Variants in NECTIN4 observed in about 807,000 individuals in gnomAD.
NECTIN4 encodes the protein nectin cell adhesion molecule 4.
Under a neutral mutation model 51.7 loss-of-function variants are expected in NECTIN4, and 19 were observed. That is an observed-to-expected ratio of 0.37 (90% confidence interval 0.26 to 0.54). The LOEUF is 0.54. Ranked by LOEUF, NECTIN4 falls within the 20% of genes least tolerant of loss-of-function variation. NECTIN4 has a pLI of 0.86. For missense variants in NECTIN4, 619 were observed against 662.4 expected, an observed-to-expected ratio of 0.93 and a Z score of 0.72; for synonymous variants, 283 against 286.9, an observed-to-expected ratio of 0.99 and a Z score of 0.14.
chr1:161,074,315 C>T lies in NECTIN4; in HGVS notation c.1059G>A (p.Val353=). The part of the protein sequence containing the change: ...VDLVSASVVV[V]GVIAALLFCL... ...AGAACAAGAGTGCGGCGATCACACC[C>T]ACCACCACCACCGAGGCTGACACTA... is the stretch of plus-strand genomic sequence containing the variant. Residue 353 remains valine (V), a synonymous_variant, in exon 6 of 9, where the codon GTG becomes GTA. Coordinates refer to ENST00000368012, the MANE Select transcript of NECTIN4 (RefSeq NM_030916.3). 1.2e-6 allele frequency: 2 copies of T among 1,613,506 alleles called. No homozygotes were observed. Among genetic ancestry groups the T allele is most frequent in the East Asian group, 4.5e-5 (2 of 44,862 alleles).
Position 161,079,872 on chromosome 1 carries a change from A to G in NECTIN4, c.157T>C (p.Phe53Leu), listed in dbSNP as rs3737786. The change falls in exon 2 of 9, where the codon TTC becomes CTC. Residue 53 changes from phenylalanine to leucine, a missense_variant. Phe to Leu is a conservative substitution (Grantham distance 22). This residue lies in a region of NECTIN4 where 218 missense variants were observed against 186.3 expected (regional missense o/e 1.17). Transcript: ENST00000368012. ...TGCTCGCCGGAGTCCCCTCGGTAGA[A>G]GCAGGGCAGTTTTGCGTCCTGGCCC... ...VLGQDAKLPCFYRGDSGEQVG... is the reference protein window; with the variant it reads ...VLGQDAKLPCLYRGDSGEQVG... 9.1e-3 allele frequency: 14,741 copies of G among 1,613,896 alleles called. 371 individuals are homozygous for G. In the East Asian group the frequency reaches 0.095, roughly 10 times the overall value.
rs1014324326 is a variant in NECTIN4, at chr1:161,073,279, C to T, written c.1254G>A (p.Leu418=). Residue 418 remains leucine, a synonymous_variant, in exon 8 of 9, where the codon CTG becomes CTA. Transcript: ENST00000368012. ...GACTATCAGGGTGGCCCTCGGCTCT[C>T]AGCCCTACACTCTCCTCCGGCTGCA... ...PRSQPEESVG[L]RAEGHPDSLK... The T allele has an allele frequency of 6.2e-7, 1 of 1,614,108 alleles. No individual in the cohort carries two copies. The highest frequency in any genetic ancestry group is 8.5e-7 in the Non-Finnish European group (1 of 1,179,992).
At position 161,089,298 on chromosome 1, in the gene NECTIN4, G is replaced by T. The variant is rs752198784; in HGVS notation, c.-2C>A. 1.2e-6 allele frequency: 2 copies of T among 1,608,986 alleles called. No individual in the cohort carries two copies. Among genetic ancestry groups the T allele is most frequent in the South Asian group, 1.1e-5 (1 of 91,044 alleles). ...CTCGGCTCCCAGGGACAGGGGCATG[G>T]TTGAAAGGCAGACTGCCCAGCGTTT... On this transcript the variant is annotated 5_prime_UTR_variant, in exon 1 of 9. Transcript: ENST00000368012. This position sits in a 1 kb window ranked among gnomAD's most constrained non-coding sequence, Gnocchi z 4.1.
intron 1 of NECTIN4, among the ~76,000 whole-genome samples, chr1:161,088,342 A>G (rs1402940540): frequency 6.6e-6 from 1 of 152,060 alleles, no homozygotes; most frequent in Non-Finnish European, 1.5e-5. Context: ...TCATTACCCT[A>G]GGAACACCCT....
chr1:161,077,808 C>T (rs960707440), intron 2 of NECTIN4, 65 bp from the exon 3 acceptor site: 27 of 1,460,916 alleles, frequency 1.8e-5, no homozygotes, highest in East Asian at 2.3e-5. Flanking sequence ...CCCCACTCAT[C>T]GCATTTCAGT....
intron 7 of NECTIN4, 90 bp downstream of exon 7, chr1:161,073,630 C>CT (rs1305296509): frequency 3.5e-6 from 4 of 1,143,632 alleles, no homozygotes; most frequent in Admixed American, 1.7e-5. Flanking sequence ...CAGCAGAGAG[C>CT]TGTGCTCCTG....
At position 161,089,154 on chromosome 1, in the gene NECTIN4, G is replaced by T. The variant is rs1654079827; in HGVS notation, c.79+64C>A. 2.1e-6 allele frequency: 3 copies of T among 1,395,388 alleles called. No homozygotes were observed. The highest frequency in any genetic ancestry group is 2.0e-6 in the Non-Finnish European group (2 of 982,656). 86.4% of individuals were successfully genotyped at this position (1,395,388 alleles called of 1,614,324 possible). ...CGTGCGTGTGTGTCTATGTGTTTGTGCATGTGTGTCAGTGCCAGGTTGGGC... is the reference window on the plus strand; with the variant it reads ...CGTGCGTGTGTGTCTATGTGTTTGTTCATGTGTGTCAGTGCCAGGTTGGGC... On this transcript the variant is annotated intron_variant, in intron 1 of 8. Coordinates refer to ENST00000368012, the MANE Select transcript of NECTIN4 (RefSeq NM_030916.3). This position sits in a 1 kb window ranked among gnomAD's most constrained non-coding sequence, Gnocchi z 4.1.
intron 1 of NECTIN4, among the ~76,000 whole-genome samples, chr1:161,086,448 C>T (rs1430453205): frequency 1.3e-5 from 2 of 152,178 alleles, no homozygotes; most frequent in Non-Finnish European, 2.9e-5. Flanking sequence ...AGGATGGGCC[C>T]CTCCCTTTCA....
In NECTIN4 at chr1:161,074,870, G is replaced by A. The variant is rs573774518; in HGVS notation, c.852-111C>T. ...CACCCCCATGACGTCACCCAGAGCC[G>A]CAGGCTGTTCCCACGGTGCCCCTCC... On this transcript the variant is annotated intron_variant, in intron 4 of 8. Transcript: ENST00000368012. 46 of 1,224,764 alleles carry A rather than the reference G, an allele frequency of 3.8e-5. No individual in the cohort carries two copies. The South Asian group carries it at 5.5e-4, about 15-fold the overall frequency. The allele number at this position is 1,224,764 out of a possible 1,614,324, so 75.9% of individuals were successfully genotyped here.
chr1:161,077,396 C>G (rs1482664417), intron 3 of NECTIN4, 57 bp downstream of exon 3: 1 of 1,600,666 alleles, frequency 6.2e-7, no homozygotes, highest in Non-Finnish European at 8.6e-7. Flanking sequence ...CCTGTGGCAT[C>G]TCACCAATCT....
intron 4 of NECTIN4, 93 bp downstream of exon 4, chr1:161,076,262 A>C: frequency 7.0e-7 from 1 of 1,434,072 alleles, no homozygotes; most frequent in Non-Finnish European, 9.7e-7. Flanking sequence ...GGGGGCTCAG[A>C]ATATGTTGTC....
rs367753351 is a variant in NECTIN4, at chr1:161,072,616, T to C, written c.*45A>G. 1.7e-4 allele frequency: 256 copies of C among 1,534,476 alleles called. 2 individuals carry two copies. In the South Asian group the frequency reaches 2.6e-3, roughly 16 times the overall value. ...CCCCAAGATGAGCTAAAATCTCCCA[T>C]GTCAACAGAAGGAGCCAGGCCTAGG... On this transcript the variant is annotated 3_prime_UTR_variant, in exon 9 of 9. Coordinates refer to ENST00000368012, the MANE Select transcript of NECTIN4 (RefSeq NM_030916.3).
chr1:161,075,880 A>T (rs1653393381), intron 4 of NECTIN4, among the ~76,000 whole-genome samples: 1 of 152,238 alleles, frequency 6.6e-6, no homozygotes, highest in South Asian at 2.1e-4. Flanking sequence ...GATCGAGACC[A>T]GCCTGGCCAA....
At chr1:161,082,582 T>A (rs1376798594) in intron 1 of NECTIN4, among the ~76,000 whole-genome samples, 1 of 152,104 alleles carries the variant, frequency 6.6e-6, no homozygotes, top group Non-Finnish European at 1.5e-5. Context: ...AAGGGGTTCC[T>A]GTGGCCCTGC....
chr1:161,073,368 G>T, intron 7 of NECTIN4, 69 bp from the exon 8 acceptor site: 1 of 1,329,554 alleles, frequency 7.5e-7, no homozygotes, highest in Non-Finnish European at 1.1e-6. Flanking sequence ...TTCCCCTCTT[G>T]TCCTCCACCA....
intron 2 of NECTIN4, among the ~76,000 whole-genome samples, chr1:161,078,570 A>C (rs969649404): frequency 6.6e-6 from 1 of 151,956 alleles, no homozygotes; most frequent in Non-Finnish European, 1.5e-5. Flanking sequence ...AGCCTCCCAA[A>C]GTGCTGGGAT....
chr1:161,073,589 G>T, intron 7 of NECTIN4, 131 bp downstream of exon 7: 1 of 912,340 alleles, frequency 1.1e-6, no homozygotes. Flanking sequence ...CTCTACCCCG[G>T]CCAACCCCAG....
rs1296273634 is a variant in NECTIN4 at position 161,074,260 on chromosome 1, A to G, written c.1114T>C (p.Ser372Pro). ...CLLVVVVVLM[S>P]RYHRRKAQQM... is the part of the protein sequence containing the mutation. Reference sequence around the variant, plus strand: ...TGGGCCTTGCGCCGATGGTATCGGGACATGAGCACCACCACCACCACCAGA... The same window carrying G: ...TGGGCCTTGCGCCGATGGTATCGGGGCATGAGCACCACCACCACCACCAGA... The change falls in exon 6 of 9, where the codon TCC becomes CCC. Residue 372 changes from serine to proline, a missense_variant. Physicochemically the swap from Ser to Pro is moderately conservative, Grantham distance 74. Around this residue, in one of 3 missense-constraint regions of NECTIN4, gnomAD observed 364 missense variants for 415.7 expected, o/e 0.88. Coordinates refer to ENST00000368012, the MANE Select transcript of NECTIN4 (RefSeq NM_030916.3). The G allele has an allele frequency of 1.9e-6, 3 of 1,613,928 alleles. No individual in the cohort carries two copies. The highest frequency in any genetic ancestry group is 3.3e-5 in the Admixed American group (2 of 59,978).
intron 5 of NECTIN4, 60 bp downstream of exon 5, chr1:161,074,551 G>C: frequency 6.2e-7 from 1 of 1,603,574 alleles, no homozygotes; most frequent in Non-Finnish European, 8.5e-7. Flanking sequence ...CTTGCTTCCT[G>C]CTGCCCCCAC....
Sources: gnomAD v4.1 joint callset for allele counts (sites outside exome capture counted in the v4.1 genomes callset) on GRCh38, gnomAD v4.1.1 for gene constraint, gnomAD v4.1.1 regional missense constraint, Gnocchi (gnomAD v3.1) non-coding constraint, MANE v1.5 for transcripts, NCBI Gene and HGNC (gene_info 2026-07-23, HGNC 2026-07-21) for gene names.